RPH3A: variants seen among roughly 807,000 people sequenced by gnomAD.
RPH3A encodes rabphilin 3A.
A neutral mutation model predicts 102.2 loss-of-function variants in RPH3A; 48 were observed. The ratio of observed to expected loss-of-function variants is 0.47; its 90% CI spans 0.37 to 0.60. The LOEUF (loss-of-function observed/expected upper bound fraction) is 0.60. Among genes scored for constraint, RPH3A ranks in the 20% least tolerant of loss-of-function variants. RPH3A has a pLI of 0.00. For missense variants in RPH3A, 781 were observed against 910.1 expected (o/e 0.86, Z 1.83); for synonymous variants, 310 against 324.3 (o/e 0.96, Z 0.47).
chr12:112,683,568 G>A (rs1230871315), intron 1 of RPH3A, among the ~76,000 whole-genome samples: 1 of 152,172 alleles, frequency 6.6e-6, no homozygotes, highest in Non-Finnish European at 1.5e-5. Flanking sequence ...CAGAAAACCA[G>A]CAAGTGTGTT....
At chr12:112,894,391 T>C (rs1323619018) in intron 19 of RPH3A, 187 bp from the exon 20 acceptor site, 1 of 615,060 alleles carries the variant, frequency 1.6e-6, no homozygotes, top group East Asian at 2.8e-5. Flanking sequence ...GGATTAAATA[T>C]GCCTAAGTTG....
At chr12:112,690,392 G>A (rs1409863709) in intron 1 of RPH3A, among the ~76,000 whole-genome samples, 1 of 152,200 alleles carries the variant, frequency 6.6e-6, no homozygotes, top group Non-Finnish European at 1.5e-5. Flanking sequence ...CGAAACAATG[G>A]GGAAGAAAGT....
chr12:112,742,868 T>C (rs2040719311), intron 1 of RPH3A, among the ~76,000 whole-genome samples: 1 of 152,188 alleles, frequency 6.6e-6, no homozygotes, highest in South Asian at 2.1e-4. Context: ...CTCAAAGGGC[T>C]AAAATCAAGG....
chr12:112,595,899 A>G (rs1278904832), intron 1 of RPH3A, among the ~76,000 whole-genome samples: 1 of 152,146 alleles, frequency 6.6e-6, no homozygotes, highest in East Asian at 1.9e-4. Context: ...CTTGGCCTGA[A>G]AAAAATGACC....
intron 1 of RPH3A, among the ~76,000 whole-genome samples, chr12:112,630,119 C>G (rs988841929): frequency 6.6e-6 from 1 of 152,002 alleles, no homozygotes; most frequent in Non-Finnish European, 1.5e-5. Context: ...CACTCATCTA[C>G]CCATCCATCC....
intron 2 of RPH3A, among the ~76,000 whole-genome samples, chr12:112,796,520 G>C (rs937208063): frequency 3.9e-5 from 6 of 152,290 alleles, no homozygotes; most frequent in Non-Finnish European, 8.8e-5. Flanking sequence ...GTCAGTTTGG[G>C]GCCTGTGGTC....
At position 112,803,679 on chromosome 12, in the gene RPH3A, C is replaced by T. The variant is rs545908945; in HGVS notation, c.-19+11416C>T. ...AATCATAAAAATAAATAATAAGGCT[C>T]TACAGAAATTGATTCTTTAGTCTTC... On this transcript the variant is annotated intron_variant, in intron 2 of 21. Coordinates refer to ENST00000389385, the MANE Select transcript of RPH3A (RefSeq NM_001143854.2). Among the ~76,000 whole-genome samples, 714 of 152,128 alleles carry T rather than the reference C, an allele frequency of 4.7e-3. 3 individuals carry two copies. Among genetic ancestry groups the T allele is most frequent in the African/African-American group, 0.017 (688 of 41,502 alleles).
At chr12:112,696,356 G>C (rs2040352016) in intron 1 of RPH3A, among the ~76,000 whole-genome samples, 1 of 152,196 alleles carries the variant, frequency 6.6e-6, no homozygotes, top group Non-Finnish European at 1.5e-5. Flanking sequence ...ACTCAGTAGT[G>C]AGATTGCTGG....
At chr12:112,725,261 A>C (rs995041282) in intron 1 of RPH3A, among the ~76,000 whole-genome samples, 19 of 149,542 alleles carry the variant, frequency 1.3e-4, no homozygotes, top group Non-Finnish European at 1.2e-4. Context: ...AAAAAAAAAA[A>C]AAAAAAAAAA....
At chr12:112,813,767 T>G (rs1026966544) in intron 2 of RPH3A, among the ~76,000 whole-genome samples, 3 of 152,160 alleles carry the variant, frequency 2.0e-5, no homozygotes, top group Non-Finnish European at 2.9e-5. Flanking sequence ...CACGTAACAG[T>G]TGAGGGAACG....
chr12:112,850,983 C>T (rs949003887), intron 5 of RPH3A: 2 of 152,188 alleles, frequency 1.3e-5, no homozygotes, highest in Non-Finnish European at 2.9e-5. Context: ...ATGTTGAAAT[C>T]GCCAATGTAG....
chr12:112,831,672 G>T, intron 3 of RPH3A: 3 of 355,174 alleles, frequency 8.4e-6, no homozygotes, highest in South Asian at 2.2e-5. Flanking sequence ...CTTTTCATTT[G>T]GTAAAATTCT....
intron 1 of RPH3A, among the ~76,000 whole-genome samples, chr12:112,715,661 G>T (rs1384069878): frequency 6.6e-6 from 1 of 152,340 alleles, no homozygotes; most frequent in Admixed American, 6.5e-5. Context: ...TGAGCTCACA[G>T]TGGGCAGGGA....
At chr12:112,885,724 T>G (rs899749990) in intron 16 of RPH3A, among the ~76,000 whole-genome samples, 3 of 152,164 alleles carry the variant, frequency 2.0e-5, no homozygotes, top group African/African-American at 7.2e-5. Context: ...AATGTCTTTT[T>G]TAATCACCTC....
At chr12:112,779,518 T>C (rs1412002523) in intron 1 of RPH3A, among the ~76,000 whole-genome samples, 2 of 152,222 alleles carry the variant, frequency 1.3e-5, no homozygotes, top group Non-Finnish European at 2.9e-5. Flanking sequence ...ATTCATACAG[T>C]ATCATATAGA....
At chr12:112,662,958 C>T (rs929053434) in intron 1 of RPH3A, among the ~76,000 whole-genome samples, 10 of 151,594 alleles carry the variant, frequency 6.6e-5, no homozygotes, top group Non-Finnish European at 1.5e-4. Flanking sequence ...GAAGAAGTAT[C>T]CTTTCCACTG....
intron 1 of RPH3A, among the ~76,000 whole-genome samples, chr12:112,710,501 C>T (rs12422662): frequency 0.21 from 31,766 of 151,982 alleles, 3,887 homozygotes; most frequent in South Asian, 0.36. Flanking sequence ...TGATCCCAGG[C>T]CACAGCACTC....
intron 2 of RPH3A, among the ~76,000 whole-genome samples, chr12:112,827,120 C>T (rs189354164): frequency 1.2e-4 from 19 of 152,178 alleles, no homozygotes; most frequent in Admixed American, 3.9e-4. Flanking sequence ...TGGACAATTC[C>T]GTGGCTTTTA....
chr12:112,656,170 C>T (rs1185314010), intron 1 of RPH3A, among the ~76,000 whole-genome samples: 1 of 152,224 alleles, frequency 6.6e-6, no homozygotes, highest in African/African-American at 2.4e-5. Flanking sequence ...TGCTTCTGGG[C>T]TAACATGGCA....
Sources: gnomAD v4.1 joint callset for allele counts (sites outside exome capture counted in the v4.1 genomes callset) on GRCh38, gnomAD v4.1.1 for gene constraint, MANE v1.5 for transcripts, NCBI Gene and HGNC (gene_info 2026-07-23, HGNC 2026-07-21) for gene names.